The following MAP7D2 variants were observed in gnomAD, a reference collection of about 807,000 sequenced individuals.
MAP7D2 encodes MAP7 domain-containing protein 2.
In MAP7D2, 33 loss-of-function variants were observed where a neutral mutation model predicts 63.5. That is an observed-to-expected ratio of 0.52 (90% CI 0.39 to 0.70). MAP7D2 has a LOEUF of 0.70. Among genes scored for constraint, MAP7D2 ranks in the 30% least tolerant of loss-of-function variants. The probability of loss-of-function intolerance (pLI) is 0.00; values close to 1 mark genes in which losing one functional copy is unlikely to be tolerated. For synonymous variants in MAP7D2, 224 were observed against 223.7 expected, an observed-to-expected ratio of 1.00 and a Z score of -0.01; for missense variants, 626 against 604.0, an observed-to-expected ratio of 1.04 and a Z score of -0.38.
At chrX:20,046,676 A>G (rs1346547306) in intron 6 of MAP7D2, among the ~76,000 whole-genome samples, 1 of 112,442 alleles carries the variant, frequency 8.9e-6, no homozygotes, top group Admixed American at 9.4e-5. Flanking sequence ...GGTGATACAA[A>G]CCTACTTTAA....
intron 7 of MAP7D2, 118 bp from the exon 8 acceptor site, chrX:20,042,747 A>G: frequency 1.2e-6 from 1 of 858,840 alleles, no homozygotes. Context: ...ATATGAAGCT[A>G]TAACGCTTCA....
At chrX:20,028,192 G>T (rs1312830244) in intron 8 of MAP7D2, among the ~76,000 whole-genome samples, 1 of 111,644 alleles carries the variant, frequency 9.0e-6, no homozygotes, top group Non-Finnish European at 1.9e-5. Context: ...AGAAAACTAG[G>T]CTTAGAGAGG....
intron 1 of MAP7D2, among the ~76,000 whole-genome samples, chrX:20,110,213 C>T (rs1178808218): frequency 1.9e-5 from 2 of 107,641 alleles, no homozygotes; most frequent in African/African-American, 3.4e-5. Context: ...GAGGGAGGGG[C>T]ACGGTGGTTC....
intron 11 of MAP7D2, 145 bp from the exon 12 acceptor site, chrX:20,015,472 C>T (rs781645323): frequency 3.3e-5 from 16 of 491,595 alleles, no homozygotes; most frequent in Non-Finnish European, 5.3e-5. Flanking sequence ...TTTATACAAA[C>T]CACTGCATGA....
At chrX:20,054,596 T>C (rs955435008) in intron 4 of MAP7D2, among the ~76,000 whole-genome samples, 2 of 110,473 alleles carry the variant, frequency 1.8e-5, no homozygotes, top group African/African-American at 3.3e-5. Flanking sequence ...TCTTTTTTCT[T>C]TTTTTTTCAA....
intron 8 of MAP7D2, among the ~76,000 whole-genome samples, chrX:20,041,505 G>C (rs1224644312): frequency 8.9e-6 from 1 of 112,024 alleles, no homozygotes; most frequent in Non-Finnish European, 1.9e-5. Flanking sequence ...GTCTCTATTA[G>C]AAAGCAACAC....
At chrX:20,047,648 C>CAA (rs113884587) in intron 6 of MAP7D2, among the ~76,000 whole-genome samples, 9 of 59,476 alleles carry the variant, frequency 1.5e-4, no homozygotes, top group South Asian at 1.8e-3. Flanking sequence ...CCTATCTCTA[C>CAA]AAAAAAAAAA....
intron 1 of MAP7D2, among the ~76,000 whole-genome samples, chrX:20,096,170 G>A (rs1475175437): frequency 1.9e-5 from 2 of 103,920 alleles, no homozygotes; most frequent in Non-Finnish European, 3.9e-5. Flanking sequence ...GCTCATACCT[G>A]TAATCCCAAC....
At position 20,015,261 on chromosome X, in the gene MAP7D2, T is replaced by C; in HGVS notation, c.1711A>G (p.Met571Val). The C allele has an allele frequency of 1.7e-6, 2 of 1,211,234 alleles. No homozygotes were observed. The highest frequency in any genetic ancestry group is 2.2e-6 in the Non-Finnish European group (2 of 895,148). ...AGTCTCTCCTGCTCAATCTGCAGCA[T>C]AATCTGTTCTCTCTCGAGACGCATC... is the stretch of plus-strand genomic sequence containing the variant. ...EQMRLEREQI[M>V]LQIEQERLER... The change falls in exon 12 of 17, where the codon ATG becomes GTG. Residue 571 changes from methionine (M) to valine (V), a missense_variant. Coordinates refer to ENST00000379643, the MANE Select transcript of MAP7D2 (RefSeq NM_001168465.2).
chrX:20,087,503 G>A (rs1297936589), intron 1 of MAP7D2, among the ~76,000 whole-genome samples: 2 of 111,871 alleles, frequency 1.8e-5, no homozygotes, highest in African/African-American at 6.5e-5. Flanking sequence ...CTTGCAGTCT[G>A]CAGAATCATG....
chrX:20,112,327 C>T (rs191664651), intron 1 of MAP7D2, among the ~76,000 whole-genome samples: 31 of 112,225 alleles, frequency 2.8e-4, no homozygotes, highest in Admixed American at 2.6e-3. Context: ...AAATGCTTTG[C>T]ATGCATGCGG....
chrX:20,094,031 T>C (rs980303192), intron 1 of MAP7D2, among the ~76,000 whole-genome samples: 5 of 112,016 alleles, frequency 4.5e-5, no homozygotes, highest in Non-Finnish European at 7.5e-5. Flanking sequence ...CCCTGGTATA[T>C]GTATAAATGG....
chrX:20,065,297 C>T (rs1205380392), intron 1 of MAP7D2, among the ~76,000 whole-genome samples: 5 of 100,339 alleles, frequency 5.0e-5, no homozygotes, highest in African/African-American at 1.1e-4. Context: ...GACAGAGTCT[C>T]ACTCTGTCGC....
chrX:20,111,013 G>T (rs1300200760), intron 1 of MAP7D2, among the ~76,000 whole-genome samples: 2 of 111,629 alleles, frequency 1.8e-5, no homozygotes, highest in Non-Finnish European at 3.8e-5. Context: ...GGCCTTAAGA[G>T]AACTGGCAAC....
chrX:20,013,865 A>G lies in MAP7D2; in HGVS notation c.1750-240T>C, dbSNP rs191307188. 3.7e-3 allele frequency among the ~76,000 whole-genome samples: 416 copies of G among 112,302 alleles called. 2 individuals carry two copies. The highest frequency in any genetic ancestry group is 0.013 in the African/African-American group (388 of 30,916). ...AGTACGTATCTAGAATCAATATTCG[A>G]TTTATATCCCATATTTCTCCTTCTT... On this transcript the variant is annotated intron_variant, in intron 12 of 16. Coordinates refer to ENST00000379643, the MANE Select transcript of MAP7D2 (RefSeq NM_001168465.2).
chrX:20,042,499 T>C lies in MAP7D2; in HGVS notation c.1007+3A>G, dbSNP rs200036763. 7.2e-4 allele frequency: 865 copies of C among 1,209,357 alleles called. 3 individuals are homozygous for C. Among genetic ancestry groups the C allele is most frequent in the Non-Finnish European group, 9.2e-4 (819 of 894,704 alleles). ...CTGTCTGGCAAAGGGGAGAGATGCTTACTTGGATATCACAGGAGAAGATGG... is the reference window on the plus strand; with the variant it reads ...CTGTCTGGCAAAGGGGAGAGATGCTCACTTGGATATCACAGGAGAAGATGG... On this transcript the variant is annotated splice_donor_region_variant and intron_variant, in intron 8 of 16. Coordinates refer to ENST00000379643, the MANE Select transcript of MAP7D2 (RefSeq NM_001168465.2).
At position 20,073,854 on chromosome X, in the gene MAP7D2, C is replaced by T. The variant is rs374175822; in HGVS notation, c.131-9049G>A. 9.0e-4 allele frequency among the ~76,000 whole-genome samples: 90 copies of T among 99,943 alleles called. 1 individual carries two copies. The highest frequency in any genetic ancestry group is 3.1e-3 in the African/African-American group (87 of 28,276). The allele number at this position is 99,943 out of a possible 115,157, so 86.8% of individuals were successfully genotyped here. A position where few individuals can be genotyped will look rare whatever the true frequency, so the allele number is the denominator to read the frequency against. On this transcript the variant is annotated intron_variant, in intron 1 of 16. Coordinates refer to ENST00000379643, the MANE Select transcript of MAP7D2 (RefSeq NM_001168465.2). ...TTCTTTAATCTAGAAAATAACCCAC[C>T]GGCCGGGCGCGGTGGCTCACGCCTG...
chrX:20,014,175 A>G (rs1271262373), intron 12 of MAP7D2, among the ~76,000 whole-genome samples: 1 of 113,107 alleles, frequency 8.8e-6, no homozygotes, highest in African/African-American at 3.2e-5. Context: ...CAGAATTAAA[A>G]TAACAATTCC....
chrX:20,053,603 C>A (rs921430579), intron 4 of MAP7D2, among the ~76,000 whole-genome samples: 2 of 111,427 alleles, frequency 1.8e-5, no homozygotes, highest in African/African-American at 6.5e-5. Flanking sequence ...ACAGGCGACC[C>A]TGAGTTTGGT....
Sources: gnomAD v4.1 joint callset for allele counts (sites outside exome capture counted in the v4.1 genomes callset) on GRCh38, gnomAD v4.1.1 for gene constraint, MANE v1.5 for transcripts, NCBI Gene and HGNC (gene_info 2026-07-23, HGNC 2026-07-21) for gene names.